Variants in FBXO11 observed in about 807,000 individuals in gnomAD.
FBXO11 encodes F-box only protein 11.
FBXO11 carries 13 observed loss-of-function variants against 117.0 expected under a neutral mutation model. The observed-to-expected ratio is 0.11, with a 90% confidence interval of 0.07 to 0.18. The LOEUF is 0.18. Among genes scored for constraint, FBXO11 ranks in the 10% least tolerant of loss-of-function variants. The probability of loss-of-function intolerance (pLI) is 1.00; values close to 1 mark genes in which losing one functional copy is unlikely to be tolerated. For missense variants in FBXO11, 767 were observed against 1,164.4 expected, an observed-to-expected ratio of 0.66 and a Z score of 4.97; for synonymous variants, 490 against 380.5, an observed-to-expected ratio of 1.29 and a Z score of -3.35.
rs939390461 is a variant in FBXO11 at position 47,876,077 on chromosome 2, A to C, written c.232+29412T>G. Among the ~76,000 whole-genome samples the C allele has an allele frequency of 3.9e-5, 6 of 152,232 alleles. No homozygotes were observed. The East Asian group carries it at 1.2e-3, about 29-fold the overall frequency. On this transcript the variant is annotated intron_variant, in intron 1 of 22. Transcript: ENST00000403359. ...CGTAAGAAGGTAAAATAACTCCTTAATGTCACACAGTTAGTAAGAAATAAG... is the reference window on the plus strand; with the variant it reads ...CGTAAGAAGGTAAAATAACTCCTTACTGTCACACAGTTAGTAAGAAATAAG...
chr2:47,864,761 G>C (rs1228214053), intron 1 of FBXO11, among the ~76,000 whole-genome samples: 1 of 152,164 alleles, frequency 6.6e-6, no homozygotes, highest in Non-Finnish European at 1.5e-5. Flanking sequence ...ACATATCTAT[G>C]AATTAGGTAT....
intron 1 of FBXO11, among the ~76,000 whole-genome samples, chr2:47,872,219 G>C (rs1675673375): frequency 6.6e-6 from 1 of 152,198 alleles, no homozygotes; most frequent in Non-Finnish European, 1.5e-5. Context: ...TTAACTGGTA[G>C]GATTTAGTGT....
At chr2:47,829,878 T>C (rs1005894445) in intron 11 of FBXO11, among the ~76,000 whole-genome samples, 2 of 151,884 alleles carry the variant, frequency 1.3e-5, no homozygotes, top group Non-Finnish European at 2.9e-5. Flanking sequence ...AGGCAGACAA[T>C]AGGTACCTGG....
intron 1 of FBXO11, among the ~76,000 whole-genome samples, chr2:47,892,344 G>C (rs549252057): frequency 6.6e-6 from 1 of 152,336 alleles, no homozygotes; most frequent in Admixed American, 6.5e-5. Context: ...TCACCCGAAA[G>C]GGTATATTTT....
chr2:47,844,728 T>C (rs936902251), intron 1 of FBXO11, among the ~76,000 whole-genome samples: 1 of 152,212 alleles, frequency 6.6e-6, no homozygotes, highest in African/African-American at 2.4e-5. Context: ...CTCGACTCAC[T>C]GCAACCTCCG....
chr2:47,809,327 G>T lies in FBXO11; in HGVS notation c.2447-61C>A. 2.8e-6 allele frequency: 3 copies of T among 1,054,176 alleles called. No individual in the cohort carries two copies. The South Asian group carries it at 4.5e-5, about 16-fold the overall frequency. The allele number at this position is 1,054,176 out of a possible 1,614,324, so 65.3% of individuals were successfully genotyped here. On this transcript the variant is annotated intron_variant, in intron 20 of 22. Coordinates refer to ENST00000403359, the MANE Select transcript of FBXO11 (RefSeq NM_001190274.2). Reference sequence around the variant, plus strand: ...GAATGTTAATATTTTAAAAACCAAAGATTATAGGATTATTCTAACAGAAGA... The same window carrying T: ...GAATGTTAATATTTTAAAAACCAAATATTATAGGATTATTCTAACAGAAGA...
At chr2:47,870,463 G>A (rs1383152669) in intron 1 of FBXO11, among the ~76,000 whole-genome samples, 9 of 152,104 alleles carry the variant, frequency 5.9e-5, no homozygotes, top group Admixed American at 5.2e-4. Flanking sequence ...TAATTCAATA[G>A]GACTAGTGTC....
intron 1 of FBXO11, among the ~76,000 whole-genome samples, chr2:47,887,337 T>TA (rs1161283108): frequency 6.6e-6 from 1 of 151,660 alleles, no homozygotes; most frequent in Non-Finnish European, 1.5e-5. Context: ...CTCGAATTTT[T>TA]TTTTTTTTTC....
At chr2:47,881,428 T>C (rs1167128353) in intron 1 of FBXO11, among the ~76,000 whole-genome samples, 5 of 152,196 alleles carry the variant, frequency 3.3e-5, no homozygotes. Flanking sequence ...GTAATTTCTA[T>C]CTCTTTAGAC....
intron 1 of FBXO11, among the ~76,000 whole-genome samples, chr2:47,889,987 C>G (rs1424969435): frequency 4.6e-5 from 7 of 152,190 alleles, no homozygotes; most frequent in Non-Finnish European, 1.0e-4. Flanking sequence ...GCTACAGTCG[C>G]AAACTTATCC....
Position 47,808,059 on chromosome 2 carries a change from A to G in FBXO11, c.*59T>C. 1 of 1,451,526 alleles carries G rather than the reference A, an allele frequency of 6.9e-7. No homozygotes were observed. The highest frequency in any genetic ancestry group is 2.3e-5 in the East Asian group (1 of 43,960). The allele number at this position is 1,451,526 out of a possible 1,614,324, so 89.9% of individuals were successfully genotyped here. On this transcript the variant is annotated 3_prime_UTR_variant, in exon 23 of 23. Coordinates refer to ENST00000403359, the MANE Select transcript of FBXO11 (RefSeq NM_001190274.2). ...GGGCAAATATTTTAAATCTTCTTCC[A>G]AAAAAGTGTTTTAAGTTATGATGTT...
chr2:47,905,611 TGGG>T lies in FBXO11; in HGVS notation c.107_109del (p.Pro36del). 7.4e-7 allele frequency: 1 copy of T among 1,356,304 alleles called. No individual in the cohort carries two copies. The highest frequency in any genetic ancestry group is 9.5e-7 in the Non-Finnish European group (1 of 1,051,814). The allele number at this position is 1,356,304 out of a possible 1,614,324, so 84.0% of individuals were successfully genotyped here. On this transcript the variant is annotated inframe_deletion, in exon 1 of 23. Transcript: ENST00000403359. ...AGGCTGCTGCTGGGGCGGCTGCTGC[TGGG>T]GCGGCTGCGGCGGCGGCTGCTGCGG...
intron 1 of FBXO11, among the ~76,000 whole-genome samples, chr2:47,854,745 G>A (rs954807697): frequency 1.3e-5 from 2 of 152,056 alleles, no homozygotes; most frequent in African/African-American, 2.4e-5. Context: ...GTGCTAACAC[G>A]TTCCCAAGGG....
chr2:47,821,776 C>T (rs1456508150), intron 13 of FBXO11, among the ~76,000 whole-genome samples: 1 of 152,026 alleles, frequency 6.6e-6, no homozygotes, highest in Non-Finnish European at 1.5e-5. Flanking sequence ...CAGAGTGAGA[C>T]TCTGTCTCAA....
intron 1 of FBXO11, among the ~76,000 whole-genome samples, chr2:47,841,918 C>T (rs1262186661): frequency 2.6e-5 from 4 of 151,772 alleles, no homozygotes; most frequent in Admixed American, 6.6e-5. Flanking sequence ...GGATTACAGG[C>T]GTGAGCCACT....
chr2:47,891,745 T>C (rs1677272009), intron 1 of FBXO11, among the ~76,000 whole-genome samples: 1 of 152,172 alleles, frequency 6.6e-6, no homozygotes, highest in Non-Finnish European at 1.5e-5. Flanking sequence ...CAACAGTGTA[T>C]AAGGGGTTCA....
intron 1 of FBXO11, among the ~76,000 whole-genome samples, chr2:47,854,944 C>T (rs970726194): frequency 2.0e-5 from 3 of 149,644 alleles, no homozygotes; most frequent in African/African-American, 7.4e-5. Flanking sequence ...TTGGCAGCAA[C>T]GTGCATATAA....
chr2:47,837,257 T>C (rs915176008), intron 4 of FBXO11, among the ~76,000 whole-genome samples: 1 of 152,260 alleles, frequency 6.6e-6, no homozygotes, highest in African/African-American at 2.4e-5. Flanking sequence ...CCGGGCACAG[T>C]GGCCCATGCC....
At chr2:47,828,814 T>C (rs1671961082) in intron 11 of FBXO11, among the ~76,000 whole-genome samples, 1 of 152,214 alleles carries the variant, frequency 6.6e-6, no homozygotes, top group African/African-American at 2.4e-5. Flanking sequence ...AGACTTTCAA[T>C]GAAGTGTAGT....
Sources: gnomAD v4.1 joint callset for allele counts (sites outside exome capture counted in the v4.1 genomes callset) on GRCh38, gnomAD v4.1.1 for gene constraint, MANE v1.5 for transcripts, NCBI Gene and HGNC (gene_info 2026-07-23, HGNC 2026-07-21) for gene names.